The following TANC1 variants were observed in gnomAD, a reference collection of about 807,000 sequenced individuals.
TANC1 encodes protein TANC1.
TANC1 carries 77 observed loss-of-function variants against 149.7 expected under a neutral mutation model. The observed-to-expected ratio is 0.51, with a 90% CI of 0.43 to 0.62. TANC1 has a LOEUF of 0.62. Among genes scored for constraint, TANC1 ranks in the 20% least tolerant of loss-of-function variants. TANC1 has a pLI of 0.00. For missense variants in TANC1, 1,985 were observed against 2,321.8 expected (o/e 0.85, Z 2.98); for synonymous variants, 854 against 925.0 (o/e 0.92, Z 1.39).
intron 19 of TANC1, among the ~76,000 whole-genome samples, chr2:159,216,619 CG>C (rs1553614816): frequency 6.6e-6 from 1 of 152,088 alleles, no homozygotes; most frequent in Non-Finnish European, 1.5e-5. Flanking sequence ...CCCAGGCTGA[CG>C]GGAGGGTGTC....
Position 159,162,383 on chromosome 2 carries a change from G to A in TANC1, c.683-900G>A, listed in dbSNP as rs140506050. 1.0e-3 allele frequency among the ~76,000 whole-genome samples: 158 copies of A among 152,280 alleles called. 1 individual carries two copies. The highest frequency in any genetic ancestry group is 3.6e-3 in the African/African-American group (149 of 41,548). ...CGGTGGACATGGCCCCTGTTCTCAA[G>A]GACGCAGCCAGCGTTAGTTCTAACA... On this transcript the variant is annotated intron_variant, in intron 7 of 26. Transcript: ENST00000263635.
At chr2:159,218,936 C>G (rs1240364822) in intron 20 of TANC1, among the ~76,000 whole-genome samples, 1 of 152,164 alleles carries the variant, frequency 6.6e-6, no homozygotes, top group African/African-American at 2.4e-5. Context: ...CTGTGGCTGT[C>G]TTGTCCTTGT....
chr2:159,002,754 T>A (rs2036736991), intron 2 of TANC1, among the ~76,000 whole-genome samples: 1 of 152,256 alleles, frequency 6.6e-6, no homozygotes, highest in African/African-American at 2.4e-5. Context: ...ACTGTCTTGC[T>A]GGTGGTTCTA....
intron 1 of TANC1, among the ~76,000 whole-genome samples, chr2:158,987,965 C>T (rs560913702): frequency 1.3e-5 from 2 of 152,250 alleles, no homozygotes; most frequent in African/African-American, 4.8e-5. Flanking sequence ...TTTACATTAC[C>T]TACCTTACTC....
chr2:159,060,873 C>T (rs1363166675), intron 2 of TANC1, among the ~76,000 whole-genome samples: 2 of 152,162 alleles, frequency 1.3e-5, no homozygotes, highest in African/African-American at 4.8e-5. Context: ...GTTTTGGAAT[C>T]ATCTTACTAT....
chr2:159,194,587 C>T, intron 17 of TANC1, 94 bp downstream of exon 17: 1 of 1,112,380 alleles, frequency 9.0e-7, no homozygotes, highest in Non-Finnish European at 1.4e-6. Flanking sequence ...TCTCTTGTCT[C>T]TGAAACCACA....
chr2:159,110,909 C>T (rs565530920), intron 4 of TANC1, among the ~76,000 whole-genome samples: 4 of 152,192 alleles, frequency 2.6e-5, no homozygotes, highest in Admixed American at 6.5e-5. Context: ...AGCCCTCCTT[C>T]GGGGCTTTGT....
At chr2:159,142,839 G>C (rs373441210) in intron 5 of TANC1, among the ~76,000 whole-genome samples, 1 of 151,746 alleles carries the variant, frequency 6.6e-6, no homozygotes, top group Non-Finnish European at 1.5e-5. Context: ...CAAGGCGGGC[G>C]GATTGCCTGA....
At chr2:159,121,557 T>C (rs1284892152) in intron 4 of TANC1, among the ~76,000 whole-genome samples, 1 of 152,234 alleles carries the variant, frequency 6.6e-6, no homozygotes, top group Non-Finnish European at 1.5e-5. Context: ...CTCAAACTCC[T>C]GACCTCTGGT....
chr2:159,104,754 G>GT (rs2046993803), intron 4 of TANC1, among the ~76,000 whole-genome samples: 1 of 100,646 alleles, frequency 9.9e-6, no homozygotes, highest in Non-Finnish European at 2.4e-5. Flanking sequence ...TAGAGATGAG[G>GT]TTTTTGCCAT....
intron 1 of TANC1, among the ~76,000 whole-genome samples, chr2:158,998,530 C>T (rs1214492860): frequency 6.6e-6 from 1 of 152,158 alleles, no homozygotes; most frequent in East Asian, 1.9e-4. Flanking sequence ...TGTGATTGTG[C>T]CCTGTTGAGC....
At chr2:159,135,040 C>A (rs941508304) in intron 4 of TANC1, among the ~76,000 whole-genome samples, 1 of 152,100 alleles carries the variant, frequency 6.6e-6, no homozygotes, top group Non-Finnish European at 1.5e-5. Flanking sequence ...TCCCTACAAC[C>A]TAATTTTAGA....
At chr2:158,974,038 T>G (rs1156421710) in intron 1 of TANC1, among the ~76,000 whole-genome samples, 1 of 152,238 alleles carries the variant, frequency 6.6e-6, no homozygotes, top group Admixed American at 6.5e-5. Flanking sequence ...ACTACATGTT[T>G]GAATTTTAAA....
chr2:159,086,683 AT>A (rs1027248047), intron 3 of TANC1, among the ~76,000 whole-genome samples: 1 of 152,196 alleles, frequency 6.6e-6, no homozygotes, highest in African/African-American at 2.4e-5. Flanking sequence ...AGTATATTTT[AT>A]TTTATAAAAC....
At chr2:159,037,106 A>G (rs1022092918) in intron 2 of TANC1, among the ~76,000 whole-genome samples, 1 of 152,176 alleles carries the variant, frequency 6.6e-6, no homozygotes, top group Admixed American at 6.5e-5. Context: ...TTCTCTGATG[A>G]CCAGTGGATG....
At chr2:159,155,823 T>C (rs1479618537) in intron 7 of TANC1, among the ~76,000 whole-genome samples, 1 of 152,242 alleles carries the variant, frequency 6.6e-6, no homozygotes, top group Non-Finnish European at 1.5e-5. Context: ...AGACACCTGG[T>C]TAGTATCCTG....
chr2:159,089,197 C>T (rs539371577), intron 3 of TANC1, among the ~76,000 whole-genome samples: 5 of 152,300 alleles, frequency 3.3e-5, no homozygotes, highest in African/African-American at 1.2e-4. Flanking sequence ...TTTATTGCAA[C>T]AACAAAGGAT....
intron 2 of TANC1, among the ~76,000 whole-genome samples, chr2:159,041,315 G>T (rs1172070964): frequency 1.3e-5 from 2 of 152,214 alleles, no homozygotes; most frequent in African/African-American, 4.8e-5. Flanking sequence ...GCTCTCTTCA[G>T]AGCTGTCAGA....
At position 159,001,596 on chromosome 2, in the gene TANC1, C is replaced by T. The variant is rs913670853; in HGVS notation, c.-16+407C>T. Among the ~76,000 whole-genome samples the T allele has an allele frequency of 9.9e-5, 15 of 152,154 alleles. No homozygotes were observed. Among genetic ancestry groups the T allele is most frequent in the Admixed American group, 3.9e-4 (6 of 15,278 alleles). On this transcript the variant is annotated intron_variant, in intron 2 of 26. Transcript: ENST00000263635. The surrounding 1 kb of genome is among the most constrained non-coding windows in gnomAD (Gnocchi z 4.3). ...ATCACTACCATTTATGAAACCCTTT[C>T]CTGGTTCATTGTCACTTATTAAATA...
Sources: allele counts gnomAD v4.1 joint callset (sites outside exome capture counted in the v4.1 genomes callset), GRCh38; gene constraint gnomAD v4.1.1; non-coding constraint Gnocchi (gnomAD v3.1); transcripts MANE v1.5; gene names NCBI Gene and HGNC (gene_info 2026-07-23, HGNC 2026-07-21).